FHIT: variants seen among roughly 807,000 people sequenced by gnomAD.
FHIT encodes the protein fragile histidine triad diadenosine triphosphatase, also known as bis(5'-adenosyl)-triphosphatase.
FHIT carries 19 observed loss-of-function variants against 17.9 expected under a neutral mutation model. The observed-to-expected ratio is 1.06, with a 90% confidence interval of 0.74 to 1.56. The LOEUF is 1.56. Ranked by LOEUF, FHIT falls within the 40% of genes most tolerant of loss-of-function variation. The probability of loss-of-function intolerance (pLI) is 0.00; values close to 1 mark genes in which losing one functional copy is unlikely to be tolerated. For missense variants in FHIT, 248 were observed against 189.2 expected (o/e 1.31, Z -1.82); for synonymous variants, 81 against 69.7 (o/e 1.16, Z -0.81).
At position 60,849,496 on chromosome 3, in the gene FHIT, T is replaced by A. The variant is rs533946403; in HGVS notation, c.-110-27485A>T. Among the ~76,000 whole-genome samples, 17 of 148,144 alleles carry A rather than the reference T, an allele frequency of 1.1e-4. No individual in the cohort carries two copies. The South Asian group carries it at 3.5e-3, about 30-fold the overall frequency. On this transcript the variant is annotated intron_variant, in intron 3 of 9. Coordinates refer to ENST00000492590, the MANE Select transcript of FHIT (RefSeq NM_002012.4). ...TTATGATTTCAAAAATAAAGCCAAA[T>A]ATCTAAATGAAACCATGAAAATAAT...
intron 5 of FHIT, among the ~76,000 whole-genome samples, chr3:60,198,057 A>G (rs1702725972): frequency 6.6e-6 from 1 of 152,158 alleles, no homozygotes; most frequent in African/African-American, 2.4e-5. Context: ...TTAAAAATAC[A>G]TTAGTTCATC....
intron 7 of FHIT, among the ~76,000 whole-genome samples, chr3:59,933,463 C>T (rs981152472): frequency 1.3e-5 from 2 of 152,060 alleles, no homozygotes; most frequent in African/African-American, 4.8e-5. Context: ...AAAATAGAAA[C>T]TGTTGTCTCC....
chr3:61,040,296 G>A (rs555719813), intron 3 of FHIT, among the ~76,000 whole-genome samples: 46 of 152,178 alleles, frequency 3.0e-4, no homozygotes, highest in African/African-American at 9.4e-4. Flanking sequence ...GAATTCCTCC[G>A]CCTTATTTTG....
At chr3:61,073,758 C>T (rs771868391) in intron 2 of FHIT, among the ~76,000 whole-genome samples, 6 of 152,076 alleles carry the variant, frequency 3.9e-5, no homozygotes, top group East Asian at 1.9e-4. Flanking sequence ...TGTCATCTTG[C>T]GGCATTTCCA....
At chr3:60,058,137 T>TG (rs1559591721) in intron 5 of FHIT, among the ~76,000 whole-genome samples, 1 of 128,366 alleles carries the variant, frequency 7.8e-6, no homozygotes, top group African/African-American at 2.9e-5. Flanking sequence ...TGTGTTTTTT[T>TG]TTTTTTTTTT....
At chr3:60,812,357 A>G (rs537909979) in intron 4 of FHIT, among the ~76,000 whole-genome samples, 1 of 151,998 alleles carries the variant, frequency 6.6e-6, no homozygotes, top group East Asian at 1.9e-4. Flanking sequence ...ATGGAGTTTC[A>G]TCGTGTTGCC....
chr3:59,839,338 G>C (rs1335712364), intron 8 of FHIT, among the ~76,000 whole-genome samples: 1 of 150,032 alleles, frequency 6.7e-6, no homozygotes, highest in African/African-American at 2.5e-5. Flanking sequence ...AAAACAAAAA[G>C]AAAAGAAAAA....
intron 4 of FHIT, chr3:60,732,684 C>CCT: frequency 5.6e-6 from 1 of 177,146 alleles, no homozygotes; most frequent in South Asian, 5.5e-5. Flanking sequence ...GCAAAGACTG[C>CCT]TTTTTTTTTT....
chr3:60,232,414 T>G (rs1187482333), intron 5 of FHIT, among the ~76,000 whole-genome samples: 2 of 152,194 alleles, frequency 1.3e-5, no homozygotes, highest in African/African-American at 2.4e-5. Flanking sequence ...CATATATCAT[T>G]GAGCAGGACT....
At chr3:60,344,745 T>C (rs919945004) in intron 5 of FHIT, among the ~76,000 whole-genome samples, 2 of 152,124 alleles carry the variant, frequency 1.3e-5, no homozygotes, top group Non-Finnish European at 2.9e-5. Flanking sequence ...TTTTTTCTAA[T>C]TGAAAAATAA....
chr3:59,858,376 G>A (rs1032936317), intron 8 of FHIT, among the ~76,000 whole-genome samples: 3 of 150,226 alleles, frequency 2.0e-5, no homozygotes, highest in South Asian at 2.1e-4. Context: ...ACAGGCGCCC[G>A]CCACTACGCC....
chr3:59,801,022 G>C (rs1699972399), intron 8 of FHIT, among the ~76,000 whole-genome samples: 1 of 152,236 alleles, frequency 6.6e-6, no homozygotes, highest in Non-Finnish European at 1.5e-5. Flanking sequence ...GGTAGGGAAA[G>C]ATCTTGAAAG....
At position 61,123,389 on chromosome 3, in the gene FHIT, A is replaced by ATACC. The variant is rs796706550; in HGVS notation, c.-164+77224_-164+77227dup. On this transcript the variant is annotated intron_variant, in intron 2 of 9. Transcript: ENST00000492590. ...TAGGGTAAGGATAGCATTAGGAGAA[A>ATACC]TACCTAATGTAGATGACAGGTTGAT... Among the ~76,000 whole-genome samples, 40 of 152,270 alleles carry ATACC rather than the reference A, an allele frequency of 2.6e-4. 2 individuals carry two copies. The highest frequency in any genetic ancestry group is 9.4e-4 in the African/African-American group (39 of 41,558).
chr3:60,631,428 T>C (rs1008612947), intron 4 of FHIT, among the ~76,000 whole-genome samples: 2 of 152,128 alleles, frequency 1.3e-5, no homozygotes, highest in Non-Finnish European at 2.9e-5. Context: ...TTATTCTGAT[T>C]TACATCTAGG....
intron 8 of FHIT, among the ~76,000 whole-genome samples, chr3:59,915,297 G>T (rs1245713305): frequency 2.6e-5 from 4 of 152,212 alleles, no homozygotes; most frequent in African/African-American, 9.6e-5. Context: ...GGAGTGGTTT[G>T]ATAGAGTGGA....
chr3:60,028,272 AG>A (rs1242545803), intron 5 of FHIT, among the ~76,000 whole-genome samples: 8 of 152,224 alleles, frequency 5.3e-5, no homozygotes, highest in Non-Finnish European at 1.2e-4. Flanking sequence ...CACATATTTC[AG>A]TTACTCCAGT....
rs192735106 is a variant in FHIT at position 60,153,035 on chromosome 3, T to G, written c.104-138883A>C. On this transcript the variant is annotated intron_variant, in intron 5 of 9. Coordinates refer to ENST00000492590, the MANE Select transcript of FHIT (RefSeq NM_002012.4). Reference sequence around the variant, plus strand: ...CAAGAGTCAACTCAAGCAGTCTCTGTGAAGTTCTTTCTCACTGCCTCTGTT... The same window carrying G: ...CAAGAGTCAACTCAAGCAGTCTCTGGGAAGTTCTTTCTCACTGCCTCTGTT... 9.9e-5 allele frequency among the ~76,000 whole-genome samples: 15 copies of G among 152,270 alleles called. No homozygotes were observed. In the East Asian group the frequency reaches 2.9e-3, roughly 29 times the overall value.
chr3:59,761,413 G>A (rs1453017580), intron 8 of FHIT, among the ~76,000 whole-genome samples: 3 of 152,146 alleles, frequency 2.0e-5, no homozygotes, highest in Non-Finnish European at 2.9e-5. Flanking sequence ...ACCAGGGATA[G>A]TACTGAACCC....
intron 7 of FHIT, among the ~76,000 whole-genome samples, chr3:59,929,362 GGTTTTT>G (rs1388443777): frequency 2.4e-4 from 22 of 92,076 alleles, no homozygotes; most frequent in Admixed American, 7.7e-4. Context: ...TTGTTTTTTT[GGTTTTT>G]TTTTTTTTTT....
Sources: allele counts gnomAD v4.1 joint callset (sites outside exome capture counted in the v4.1 genomes callset), GRCh38; gene constraint gnomAD v4.1.1; transcripts MANE v1.5; gene names NCBI Gene and HGNC (gene_info 2026-07-23, HGNC 2026-07-21).